PCDHA1: variants seen among roughly 807,000 people sequenced by gnomAD.
The protein encoded by PCDHA1 is protocadherin alpha-1.
PCDHA1 carries 42 observed loss-of-function variants against 61.3 expected under a neutral mutation model. The observed-to-expected ratio is 0.69, with a 90% CI of 0.54 to 0.89. The LOEUF (loss-of-function observed/expected upper bound fraction) is 0.89. Among genes scored for constraint, PCDHA1 ranks in the 40% least tolerant of loss-of-function variants. The pLI is 0.00. For synonymous variants in PCDHA1, 610 were observed against 553.8 expected (o/e 1.10, Z -1.43); for missense variants, 1,256 against 1,235.3 (o/e 1.02, Z -0.25).
chr5:140,809,784 A>G (rs999775431), intron 1 of PCDHA1: 3 of 494,866 alleles, frequency 6.1e-6, no homozygotes, highest in East Asian at 3.4e-5. Context: ...ATGCATATTA[A>G]CAGAACTGTA....
At chr5:140,872,207 T>C (rs1372716316) in intron 1 of PCDHA1, among the ~76,000 whole-genome samples, 1 of 152,224 alleles carries the variant, frequency 6.6e-6, no homozygotes, top group African/African-American at 2.4e-5. Flanking sequence ...ATAAATTCAT[T>C]ATATATGAAA....
rs2150127070 is a variant in PCDHA1 at position 140,823,576 on chromosome 5, G to C, written c.2394+34892G>C. The C allele has an allele frequency of 3.7e-6, 6 of 1,613,976 alleles. No homozygotes were observed. In the East Asian group the frequency reaches 1.3e-4, roughly 36 times the overall value. ...GGTGCGCGCAGTGGACCCTGATTCG[G>C]GCTACAACGCTTGGCTTTCGTATGA... On this transcript the variant is annotated intron_variant, in intron 1 of 3. Coordinates refer to ENST00000504120, the MANE Select transcript of PCDHA1 (RefSeq NM_018900.4).
At chr5:140,852,787 T>G in intron 1 of PCDHA1, 1 of 977,880 alleles carries the variant, frequency 1.0e-6, no homozygotes, top group Non-Finnish European at 1.2e-6. Context: ...AATAGAGGGA[T>G]GCTACAGATG....
chr5:140,967,204 G>C, intron 1 of PCDHA1: 10 of 1,613,634 alleles, frequency 6.2e-6, no homozygotes, highest in Non-Finnish European at 8.5e-6. Context: ...ACAACTCACC[G>C]CGTTTCCCGC....
At chr5:140,926,947 G>C in intron 1 of PCDHA1, 1 of 1,590,600 alleles carries the variant, frequency 6.3e-7, no homozygotes, top group Non-Finnish European at 8.6e-7. Context: ...CGGCGCTGCA[G>C]CGGGACAGCT....
At chr5:140,836,610 A>T in intron 1 of PCDHA1, 1 of 1,613,696 alleles carries the variant, frequency 6.2e-7, no homozygotes, top group Non-Finnish European at 8.5e-7. Flanking sequence ...GGTGTGCTCC[A>T]GCGCGGTGGG....
intron 1 of PCDHA1, chr5:140,812,553 TGTTAA>T (rs1226442565): frequency 6.6e-6 from 1 of 152,168 alleles, no homozygotes; most frequent in Non-Finnish European, 1.5e-5. Context: ...TTCCTTGAGT[TGTTAA>T]GTTTTTTATT....
intron 1 of PCDHA1, among the ~76,000 whole-genome samples, chr5:140,840,016 A>G (rs1410068719): frequency 2.6e-5 from 4 of 152,124 alleles, no homozygotes; most frequent in African/African-American, 7.2e-5. Context: ...AGATTGGCTC[A>G]TGGTCACGTA....
At chr5:140,790,757 A>G (rs189526220) in intron 1 of PCDHA1, among the ~76,000 whole-genome samples, 19 of 152,370 alleles carry the variant, frequency 1.2e-4, no homozygotes, top group Middle Eastern at 3.4e-3. Flanking sequence ...CTTTACATAC[A>G]TTCAATATTT....
intron 1 of PCDHA1, among the ~76,000 whole-genome samples, chr5:140,886,827 G>GAA (rs782016620): frequency 3.1e-4 from 19 of 60,896 alleles, no homozygotes; most frequent in South Asian, 5.9e-4. Context: ...ACTTCGTCTT[G>GAA]AAAAAAAAAA....
At chr5:140,850,060 C>T (rs2150465360) in intron 1 of PCDHA1, 8 of 1,596,516 alleles carry the variant, frequency 5.0e-6, no homozygotes, top group East Asian at 4.5e-5. Flanking sequence ...GCGCTGCAGC[C>T]GTTGGACCAC....
At chr5:140,883,757 C>A (rs369534214) in intron 1 of PCDHA1, 175 of 1,612,790 alleles carry the variant, frequency 1.1e-4, no homozygotes, top group Non-Finnish European at 1.5e-4. Flanking sequence ...GCTGGTGGAG[C>A]GGCGGGTGGG....
chr5:140,965,353 A>C (rs1255008521), intron 1 of PCDHA1, among the ~76,000 whole-genome samples: 1 of 152,172 alleles, frequency 6.6e-6, no homozygotes, highest in Non-Finnish European at 1.5e-5. Flanking sequence ...TTGCCTCTAT[A>C]GCAGTACAAG....
At position 140,997,506 on chromosome 5, in the gene PCDHA1, T is replaced by A. The variant is rs147089901; in HGVS notation, c.2543-12121T>A. On this transcript the variant is annotated intron_variant, in intron 3 of 3. Coordinates refer to ENST00000504120, the MANE Select transcript of PCDHA1 (RefSeq NM_018900.4). ...AAGTATTTGTGTATCTCAACATACC[T>A]AAACGCAGAAAAAGTACAATAAAAA... Among the ~76,000 whole-genome samples the A allele has an allele frequency of 4.4e-3, 665 of 152,304 alleles. 5 individuals are homozygous for A. Among genetic ancestry groups the A allele is most frequent in the African/African-American group, 0.015 (619 of 41,574 alleles).
intron 1 of PCDHA1, among the ~76,000 whole-genome samples, chr5:140,908,711 T>A (rs951399125): frequency 6.6e-6 from 1 of 152,144 alleles, no homozygotes; most frequent in African/African-American, 2.4e-5. Flanking sequence ...CACCATTGGA[T>A]CTGCTGGGTC....
At chr5:140,884,758 C>T in intron 1 of PCDHA1, 2 of 1,424,736 alleles carry the variant, frequency 1.4e-6, no homozygotes, top group Middle Eastern at 4.1e-4. Flanking sequence ...TCAAATTATT[C>T]TTTACTTTAA....
intron 1 of PCDHA1, chr5:140,850,598 C>A (rs1358773904): frequency 6.3e-7 from 1 of 1,598,460 alleles, no homozygotes; most frequent in Non-Finnish European, 8.6e-7. Context: ...TGTACCTGAT[C>A]ATCGCCATCT....
Position 140,835,520 on chromosome 5 carries a change from T to G in PCDHA1, c.2394+46836T>G. On this transcript the variant is annotated intron_variant, in intron 1 of 3. Coordinates refer to ENST00000504120, the MANE Select transcript of PCDHA1 (RefSeq NM_018900.4). ...TGATTAGCGTGTTTGACCGAGATTT[T>G]GGAGTCAACGGACAGGTTACCTGCT... 4 of 1,613,956 alleles carry G rather than the reference T, an allele frequency of 2.5e-6. No homozygotes were observed. Among genetic ancestry groups the G allele is most frequent in the Non-Finnish European group, 3.4e-6 (4 of 1,179,884 alleles).
chr5:140,955,049 G>T (rs2095130069), intron 1 of PCDHA1, among the ~76,000 whole-genome samples: 1 of 152,130 alleles, frequency 6.6e-6, no homozygotes, highest in Admixed American at 6.6e-5. Context: ...CTCATTGCTT[G>T]TTTTTGTCAG....
Sources: allele counts gnomAD v4.1 joint callset (sites outside exome capture counted in the v4.1 genomes callset), GRCh38; gene constraint gnomAD v4.1.1; transcripts MANE v1.5; gene names NCBI Gene and HGNC (gene_info 2026-07-23, HGNC 2026-07-21).